Variants in TRPC6 observed in about 807,000 individuals in gnomAD.
TRPC6 encodes transient receptor potential cation channel subfamily C member 6, also known as short transient receptor potential channel 6.
In TRPC6, 55 loss-of-function variants were observed where a neutral mutation model predicts 90.7. The ratio of observed to expected loss-of-function variants is 0.61; its 90% CI spans 0.49 to 0.76. The LOEUF (loss-of-function observed/expected upper bound fraction) is 0.76, where lower values mean the gene tolerates loss of function less well. TRPC6 is among the 30% of genes least tolerant of loss of function. TRPC6 has a pLI of 0.00. For synonymous variants in TRPC6, 393 were observed against 393.0 expected, an observed-to-expected ratio of 1.00 and a Z score of 0.00; for missense variants, 989 against 1,122.7, an observed-to-expected ratio of 0.88 and a Z score of 1.70.
At chr11:101,466,750 G>A (rs1189674026) in intron 10 of TRPC6, among the ~76,000 whole-genome samples, 2 of 152,138 alleles carry the variant, frequency 1.3e-5, no homozygotes, top group African/African-American at 4.8e-5. Flanking sequence ...CACCACTGGG[G>A]TATGGGGAAA....
At chr11:101,549,340 A>T (rs1260460558) in intron 1 of TRPC6, among the ~76,000 whole-genome samples, 2 of 151,826 alleles carry the variant, frequency 1.3e-5, no homozygotes, top group African/African-American at 2.4e-5. Flanking sequence ...ATGAAAAATA[A>T]TTATTTATAT....
chr11:101,548,276 T>G (rs1382698248), intron 1 of TRPC6, among the ~76,000 whole-genome samples: 1 of 132,388 alleles, frequency 7.6e-6, no homozygotes, highest in Non-Finnish European at 1.6e-5. Flanking sequence ...TATATATAAT[T>G]TATATATATA....
intron 1 of TRPC6, among the ~76,000 whole-genome samples, chr11:101,577,059 G>T (rs1472691074): frequency 2.0e-5 from 3 of 152,052 alleles, no homozygotes; most frequent in Non-Finnish European, 4.4e-5. Context: ...CAAGTGGTTG[G>T]GGGAGACGAT....
At chr11:101,453,529 C>A in intron 12 of TRPC6, 121 bp downstream of exon 12, 1 of 984,374 alleles carries the variant, frequency 1.0e-6, no homozygotes, top group South Asian at 1.3e-5. Context: ...AGATCCTGTT[C>A]TACTTTTCCC....
intron 1 of TRPC6, among the ~76,000 whole-genome samples, chr11:101,541,959 G>T (rs17134809): frequency 0.26 from 39,581 of 152,004 alleles, 5,644 homozygotes; most frequent in East Asian, 0.41. Context: ...GGAATATCTG[G>T]AAAATATCAG....
chr11:101,514,268 G>C (rs988500177), intron 1 of TRPC6, among the ~76,000 whole-genome samples: 3 of 118,412 alleles, frequency 2.5e-5, no homozygotes, highest in African/African-American at 6.7e-5. Flanking sequence ...AGAAAAATAA[G>C]GGTATGGCAG....
In TRPC6 at chr11:101,472,325, C is replaced by T; in HGVS notation, c.2017G>A (p.Glu673Lys). Residue 673 changes from glutamate to lysine, a missense_variant, in exon 8 of 13, where the codon GAG becomes AAG. Transcript: ENST00000344327. Reference protein sequence around the residue: ...KQNEAFTTVEESFKTLFWAIF... With the variant: ...KQNEAFTTVEKSFKTLFWAIF... Reference sequence around the variant, plus strand: ...GCCCAGAACAGTGTCTTAAAACTCTCTTCAACTCTGGGGAAAAAATAACAG... The same window carrying T: ...GCCCAGAACAGTGTCTTAAAACTCTTTTCAACTCTGGGGAAAAAATAACAG... 1 of 1,612,056 alleles carries T rather than the reference C, an allele frequency of 6.2e-7. No individual in the cohort carries two copies. The highest frequency in any genetic ancestry group is 8.5e-7 in the Non-Finnish European group (1 of 1,179,174).
chr11:101,504,258 G>A lies in TRPC6; in HGVS notation c.711C>T (p.Thr237=). The A allele has an allele frequency of 7.4e-6, 12 of 1,613,710 alleles. No homozygotes were observed. Among genetic ancestry groups the A allele is most frequent in the Non-Finnish European group, 8.5e-6 (10 of 1,179,662 alleles). Residue 237 remains threonine (T), a synonymous_variant, in exon 2 of 13, where the codon ACC becomes ACT. Transcript: ENST00000344327. ...CAATCCTAGCACCCTTCCGCAGGAG[G>A]GTATGCACAATTTCATATTCCTGGC... ...AHCQEYEIVH[T]LLRKGARIER...
intron 9 of TRPC6, 71 bp downstream of exon 9, chr11:101,471,112 G>A: frequency 6.9e-7 from 1 of 1,455,150 alleles, no homozygotes; most frequent in Non-Finnish European, 9.6e-7. Context: ...TCTCTTTAAA[G>A]GGATGTGGCA....
At chr11:101,554,570 T>C (rs1038415182) in intron 1 of TRPC6, among the ~76,000 whole-genome samples, 2 of 152,096 alleles carry the variant, frequency 1.3e-5, no homozygotes, top group East Asian at 1.9e-4. Context: ...ACCTCTACAG[T>C]ATCCTTCAGT....
At chr11:101,534,086 T>C (rs771993015) in intron 1 of TRPC6, among the ~76,000 whole-genome samples, 3 of 152,178 alleles carry the variant, frequency 2.0e-5, no homozygotes, top group Non-Finnish European at 4.4e-5. Context: ...TCCTCAATGA[T>C]GGATACTGAA....
intron 10 of TRPC6, among the ~76,000 whole-genome samples, chr11:101,469,020 TC>T (rs1467316847): frequency 1.3e-5 from 2 of 152,022 alleles, no homozygotes; most frequent in Non-Finnish European, 2.9e-5. Flanking sequence ...GCCATTAAGG[TC>T]CCACAGTGCC....
At chr11:101,500,882 A>G (rs1420201043) in intron 2 of TRPC6, among the ~76,000 whole-genome samples, 1 of 152,200 alleles carries the variant, frequency 6.6e-6, no homozygotes, top group Non-Finnish European at 1.5e-5. Flanking sequence ...GCATGAAATC[A>G]TTACAGCATT....
chr11:101,568,479 C>G (rs1289425205), intron 1 of TRPC6, among the ~76,000 whole-genome samples: 2 of 152,250 alleles, frequency 1.3e-5, no homozygotes, highest in East Asian at 3.9e-4. Flanking sequence ...CCTAGCAAGG[C>G]AGGCCAACAT....
intron 1 of TRPC6, among the ~76,000 whole-genome samples, chr11:101,561,092 A>G (rs1023729372): frequency 4.5e-5 from 4 of 89,520 alleles, no homozygotes; most frequent in Admixed American, 3.8e-4. Context: ...TATATTCACA[A>G]TGATCAGATT....
intron 7 of TRPC6, among the ~76,000 whole-genome samples, chr11:101,472,862 T>A (rs1439472276): frequency 1.3e-5 from 2 of 152,142 alleles, no homozygotes; most frequent in African/African-American, 2.4e-5. Flanking sequence ...CCTGGCAAAC[T>A]GTATTTTAGA....
At position 101,455,100 on chromosome 11, in the gene TRPC6, A is replaced by G. The variant is rs1858853619; in HGVS notation, c.2486T>C (p.Val829Ala). 1 of 1,611,344 alleles carries G rather than the reference A, an allele frequency of 6.2e-7. No individual in the cohort carries two copies. Among genetic ancestry groups the G allele is most frequent in the African/African-American group, 1.3e-5 (1 of 74,866 alleles). The change falls in exon 11 of 13, where the codon GTT becomes GCT. Residue 829 changes from valine to alanine, a missense_variant and splice_region_variant. By Grantham distance (64) the Val-to-Ala change is moderately conservative (BLOSUM62 0). Transcript: ENST00000344327. ...TATACTTGGTTGTTTATTGTGCCCA[A>G]CCTGTAATTTGAAAAGATTTAGAAA... ...LSKLSLDKKQ[V>A]GHNKQPSIRS...
At chr11:101,469,647 T>C in intron 9 of TRPC6, 146 bp from the exon 10 acceptor site, 1 of 578,958 alleles carries the variant, frequency 1.7e-6, no homozygotes, top group South Asian at 2.0e-5. Flanking sequence ...TTGCAAGTGC[T>C]TGCTTAGACA....
At chr11:101,568,978 T>A (rs2136881445) in intron 1 of TRPC6, among the ~76,000 whole-genome samples, 1 of 152,226 alleles carries the variant, frequency 6.6e-6, no homozygotes, top group East Asian at 1.9e-4. Flanking sequence ...CCAGCTAACA[T>A]CATAATGGCA....
Sources: gnomAD v4.1 joint callset for allele counts (sites outside exome capture counted in the v4.1 genomes callset) on GRCh38, gnomAD v4.1.1 for gene constraint, MANE v1.5 for transcripts, NCBI Gene and HGNC (gene_info 2026-07-23, HGNC 2026-07-21) for gene names.